Variants in SDK1 observed in about 807,000 individuals in gnomAD.
SDK1 encodes protein sidekick-1.
SDK1 carries 157 observed loss-of-function variants against 245.5 expected under a neutral mutation model. The observed-to-expected ratio is 0.64, with a 90% CI of 0.56 to 0.73. The LOEUF (loss-of-function observed/expected upper bound fraction) is 0.73, where lower values mean the gene tolerates loss of function less well. SDK1 is among the 30% of genes least tolerant of loss of function. SDK1 has a pLI of 0.00. For missense variants in SDK1, 3,583 were observed against 3,002.3 expected (o/e 1.19, Z -4.52); for synonymous variants, 1,647 against 1,278.5 (o/e 1.29, Z -6.15).
chr7:4,187,022 C>G (rs890562425), intron 35 of SDK1, among the ~76,000 whole-genome samples: 1 of 152,200 alleles, frequency 6.6e-6, no homozygotes, highest in Non-Finnish European at 1.5e-5. Context: ...TCAAGAGCCA[C>G]ACTGTGGTTC....
At chr7:3,304,930 C>T (rs748364918) in intron 1 of SDK1, among the ~76,000 whole-genome samples, 3 of 152,152 alleles carry the variant, frequency 2.0e-5, no homozygotes, top group African/African-American at 4.8e-5. Context: ...GACACCCCCT[C>T]CTCCCTCCAG....
chr7:3,338,383 G>C (rs1420019568), intron 1 of SDK1: 1 of 528,052 alleles, frequency 1.9e-6, no homozygotes, highest in Non-Finnish European at 3.6e-6. Flanking sequence ...CTTGCCAAGA[G>C]AACTAATGTG....
chr7:3,917,698 C>T (rs951227466), intron 5 of SDK1, among the ~76,000 whole-genome samples: 2 of 152,182 alleles, frequency 1.3e-5, no homozygotes, highest in East Asian at 1.9e-4. Context: ...ATAAGTCACA[C>T]ATTCTATTTC....
At chr7:4,257,729 T>C (rs1583189393) in intron 44 of SDK1, among the ~76,000 whole-genome samples, 1 of 152,230 alleles carries the variant, frequency 6.6e-6, no homozygotes, top group African/African-American at 2.4e-5. Flanking sequence ...TCCGATTAGC[T>C]GTTATTATAG....
intron 5 of SDK1, among the ~76,000 whole-genome samples, chr7:3,913,726 C>T (rs1384148284): frequency 6.6e-6 from 1 of 152,158 alleles, no homozygotes; most frequent in African/African-American, 2.4e-5. Context: ...GGTTTATTGA[C>T]ATCCATCTAT....
intron 5 of SDK1, among the ~76,000 whole-genome samples, chr7:3,898,133 T>C (rs902530833): frequency 5.0e-4 from 76 of 152,162 alleles, no homozygotes; most frequent in African/African-American, 1.7e-3. Flanking sequence ...GTAACCTGAG[T>C]TGAAGTGGCC....
chr7:3,670,364 T>G (rs1290783443), intron 4 of SDK1, among the ~76,000 whole-genome samples: 1 of 152,218 alleles, frequency 6.6e-6, no homozygotes, highest in Non-Finnish European at 1.5e-5. Context: ...TTTGGTATAT[T>G]GGTTACGTTC....
chr7:4,246,511 G>A (rs145852097), intron 44 of SDK1, among the ~76,000 whole-genome samples: 35 of 152,196 alleles, frequency 2.3e-4, no homozygotes, highest in East Asian at 7.7e-4. Flanking sequence ...CCTGCAGGGC[G>A]GATAGAAAAT....
intron 30 of SDK1, among the ~76,000 whole-genome samples, chr7:4,157,085 A>G (rs1333858973): frequency 2.0e-5 from 3 of 152,038 alleles, no homozygotes; most frequent in African/African-American, 7.2e-5. Flanking sequence ...AGGGTATCTG[A>G]GAGGAACCAG....
chr7:3,894,295 A>G (rs1781540008), intron 5 of SDK1, among the ~76,000 whole-genome samples: 4 of 152,222 alleles, frequency 2.6e-5, no homozygotes, highest in Non-Finnish European at 4.4e-5. Flanking sequence ...GCTAAATTTA[A>G]CAGCTTCCCC....
chr7:3,614,008 A>G (rs868354344), intron 1 of SDK1, among the ~76,000 whole-genome samples: 40 of 152,308 alleles, frequency 2.6e-4, no homozygotes, highest in South Asian at 1.9e-3. Context: ...AGGATCAGGA[A>G]GAGTAACAAT....
chr7:3,444,914 A>G (rs1482553133), intron 1 of SDK1, among the ~76,000 whole-genome samples: 1 of 152,246 alleles, frequency 6.6e-6, no homozygotes, highest in Non-Finnish European at 1.5e-5. Flanking sequence ...GATGTAGAGT[A>G]ATAAGATAAG....
chr7:3,310,036 C>T (rs1166121945), intron 1 of SDK1, among the ~76,000 whole-genome samples: 1 of 152,150 alleles, frequency 6.6e-6, no homozygotes, highest in Admixed American at 6.6e-5. Context: ...TATTCACTTC[C>T]ACCTAGGGAA....
chr7:4,070,282 C>G (rs1415951240), intron 20 of SDK1, among the ~76,000 whole-genome samples: 2 of 152,226 alleles, frequency 1.3e-5, no homozygotes, highest in African/African-American at 4.8e-5. Flanking sequence ...CCTCGTCACC[C>G]TCATTTCCCG....
chr7:3,695,422 A>G (rs1784543102), intron 4 of SDK1, among the ~76,000 whole-genome samples: 1 of 152,064 alleles, frequency 6.6e-6, no homozygotes, highest in South Asian at 2.1e-4. Context: ...ACCCATAAGC[A>G]TTTTCTCATG....
chr7:3,770,660 G>T (rs748623813), intron 4 of SDK1, among the ~76,000 whole-genome samples: 1 of 152,120 alleles, frequency 6.6e-6, no homozygotes, highest in Non-Finnish European at 1.5e-5. Context: ...CCTTGTGTGT[G>T]TTGGTGAGAA....
chr7:3,896,203 C>G (rs1781601434), intron 5 of SDK1, among the ~76,000 whole-genome samples: 1 of 152,194 alleles, frequency 6.6e-6, no homozygotes, highest in African/African-American at 2.4e-5. Flanking sequence ...TTGACCATTT[C>G]TGCTGTTCTT....
intron 5 of SDK1, among the ~76,000 whole-genome samples, chr7:3,862,917 A>G (rs1221259529): frequency 2.0e-5 from 3 of 152,154 alleles, no homozygotes; most frequent in Admixed American, 6.5e-5. Context: ...ACAGTTCACA[A>G]TAGGGTTTGT....
chr7:3,922,253 G>T (rs1779615851), intron 5 of SDK1, among the ~76,000 whole-genome samples: 1 of 152,190 alleles, frequency 6.6e-6, no homozygotes, highest in Admixed American at 6.5e-5. Flanking sequence ...GGGCAGCCAT[G>T]GATCTGGGGG....
Sources: gnomAD v4.1 joint callset for allele counts (sites outside exome capture counted in the v4.1 genomes callset) on GRCh38, gnomAD v4.1.1 for gene constraint, MANE v1.5 for transcripts, NCBI Gene and HGNC (gene_info 2026-07-23, HGNC 2026-07-21) for gene names.